The following ANO4 variants were observed in gnomAD, a reference collection of about 807,000 sequenced individuals.
ANO4 encodes the protein anoctamin-4.
A neutral mutation model predicts 141.9 loss-of-function variants in ANO4; 69 were observed. That is an observed-to-expected ratio of 0.49 (90% CI 0.40 to 0.59). ANO4 has a LOEUF of 0.59. ANO4 is among the 20% of genes least tolerant of loss of function. ANO4 has a pLI of 0.00. For synonymous variants in ANO4, 350 were observed against 394.3 expected (o/e 0.89, Z 1.33); for missense variants, 894 against 1,162.2 (o/e 0.77, Z 3.36).
At chr12:100,773,854 A>G (rs2033389869) in intron 3 of ANO4, among the ~76,000 whole-genome samples, 1 of 152,260 alleles carries the variant, frequency 6.6e-6, no homozygotes, top group Admixed American at 6.5e-5. Context: ...TCAGCCCTTT[A>G]GAAATTCAGC....
At chr12:100,782,499 C>T (rs2033743338) in intron 3 of ANO4, among the ~76,000 whole-genome samples, 1 of 152,134 alleles carries the variant, frequency 6.6e-6, no homozygotes. Context: ...TCTTCTTTCC[C>T]CTCTGCCAGT....
chr12:100,902,706 T>C (rs907528431), intron 2 of ANO4, among the ~76,000 whole-genome samples: 15 of 152,170 alleles, frequency 9.9e-5, no homozygotes, highest in African/African-American at 3.6e-4. Flanking sequence ...TCCTAACCCA[T>C]CAAGAAACAC....
intron 1 of ANO4, among the ~76,000 whole-genome samples, chr12:100,889,317 T>C (rs1156588492): frequency 2.6e-5 from 4 of 152,140 alleles, no homozygotes; most frequent in Non-Finnish European, 5.9e-5. Flanking sequence ...TCTTTGCTAT[T>C]GTGAATAGTG....
intron 1 of ANO4, among the ~76,000 whole-genome samples, chr12:100,867,635 C>T (rs1321793682): frequency 6.6e-6 from 1 of 151,730 alleles, no homozygotes; most frequent in Non-Finnish European, 1.5e-5. Context: ...CACACACACA[C>T]TCAGAATGAC....
chr12:100,717,756 A>G (rs968805611), intron 1 of ANO4, among the ~76,000 whole-genome samples: 4 of 152,196 alleles, frequency 2.6e-5, no homozygotes, highest in Non-Finnish European at 4.4e-5. Context: ...TGTCTGCGGG[A>G]AAAACGCTTC....
intron 1 of ANO4, among the ~76,000 whole-genome samples, chr12:100,816,926 G>A (rs1001832998): frequency 3.3e-5 from 5 of 151,702 alleles, no homozygotes; most frequent in Admixed American, 6.6e-5. Flanking sequence ...AAATTCAGTT[G>A]TTGTTGAGTA....
At chr12:100,781,458 C>T (rs2033708254) in intron 3 of ANO4, among the ~76,000 whole-genome samples, 1 of 152,130 alleles carries the variant, frequency 6.6e-6, no homozygotes, top group African/African-American at 2.4e-5. Context: ...TCCATATATG[C>T]CTGTGCCCAT....
At chr12:100,908,831 A>C (rs946660872) in intron 2 of ANO4, among the ~76,000 whole-genome samples, 1 of 152,224 alleles carries the variant, frequency 6.6e-6, no homozygotes, top group African/African-American at 2.4e-5. Flanking sequence ...GAACAAAAAG[A>C]GAATTTGGGA....
chr12:101,068,742 C>T (rs902516253), intron 14 of ANO4: 86 of 1,301,792 alleles, frequency 6.6e-5, no homozygotes, highest in Non-Finnish European at 8.3e-5. Context: ...AAAATGTTGC[C>T]GATGACTATA....
At chr12:101,021,350 A>T (rs2136497632) in intron 9 of ANO4, among the ~76,000 whole-genome samples, 1 of 152,318 alleles carries the variant, frequency 6.6e-6, no homozygotes, top group South Asian at 2.1e-4. Context: ...CTGTAGAAGT[A>T]TGTGCTACAG....
intron 2 of ANO4, among the ~76,000 whole-genome samples, chr12:100,912,482 T>C (rs2041153996): frequency 6.8e-6 from 1 of 148,002 alleles, no homozygotes; most frequent in Admixed American, 6.8e-5. Flanking sequence ...GGCAGTGAGC[T>C]GAGATTGTGC....
At chr12:100,837,435 C>T (rs564911181) in intron 1 of ANO4, among the ~76,000 whole-genome samples, 14 of 152,208 alleles carry the variant, frequency 9.2e-5, no homozygotes, top group Middle Eastern at 3.4e-3. Flanking sequence ...TATCTGCTAT[C>T]GTATCTTTTA....
chr12:101,091,502 A>G (rs185836739), intron 17 of ANO4, among the ~76,000 whole-genome samples: 1 of 152,292 alleles, frequency 6.6e-6, no homozygotes, highest in Admixed American at 6.5e-5. Context: ...TTCTATCAGC[A>G]TAAGGGATGA....
intron 3 of ANO4, among the ~76,000 whole-genome samples, chr12:100,782,978 T>TACTC (rs2135585328): frequency 6.6e-6 from 1 of 152,306 alleles, no homozygotes; most frequent in South Asian, 2.1e-4. Flanking sequence ...ATTCAAGCAA[T>TACTC]ACTCAGCCTG....
At chr12:101,104,003 A>G (rs906260543) in intron 22 of ANO4, among the ~76,000 whole-genome samples, 1 of 151,908 alleles carries the variant, frequency 6.6e-6, no homozygotes, top group African/African-American at 2.4e-5. Context: ...CATTTCATCT[A>G]AATTTTCAAA....
intron 2 of ANO4, among the ~76,000 whole-genome samples, chr12:100,903,921 A>G (rs1348525917): frequency 1.3e-5 from 2 of 152,212 alleles, no homozygotes; most frequent in Non-Finnish European, 2.9e-5. Flanking sequence ...GCATCTGAGT[A>G]TATCAATGTG....
intron 8 of ANO4, among the ~76,000 whole-genome samples, chr12:100,996,815 G>A (rs2045395950): frequency 6.6e-6 from 1 of 152,168 alleles, no homozygotes; most frequent in Admixed American, 6.5e-5. Context: ...CAGCAGAAAA[G>A]GCAGCAAGTT....
chr12:101,096,497 G>C (rs2049988414), intron 18 of ANO4, 39 bp from the exon 19 acceptor site: 1 of 1,494,722 alleles, frequency 6.7e-7, no homozygotes, highest in African/African-American at 1.4e-5. Context: ...GAGGGGATGA[G>C]ATTCAGCCTT....
chr12:100,735,542 G>A (rs1275608012), intron 2 of ANO4, among the ~76,000 whole-genome samples: 3 of 152,144 alleles, frequency 2.0e-5, no homozygotes, highest in Non-Finnish European at 4.4e-5. Flanking sequence ...TCCTATGGGA[G>A]AATCTGGTGT....
Sources: gnomAD v4.1 joint callset for allele counts (sites outside exome capture counted in the v4.1 genomes callset) on GRCh38, gnomAD v4.1.1 for gene constraint, MANE v1.5 for transcripts, NCBI Gene and HGNC (gene_info 2026-07-23, HGNC 2026-07-21) for gene names.